Variants in LPIN1 observed in about 807,000 individuals in gnomAD.
LPIN1 encodes phosphatidate phosphatase LPIN1.
In LPIN1, 71 loss-of-function variants were observed where a neutral mutation model predicts 107.5. The observed-to-expected ratio is 0.66, with a 90% confidence interval of 0.55 to 0.80. LPIN1 has a LOEUF of 0.80. Ranked by LOEUF, LPIN1 falls within the 30% of genes least tolerant of loss-of-function variation. The pLI, the probability that LPIN1 is intolerant of heterozygous loss-of-function variation, is 0.00. For synonymous variants in LPIN1, 445 were observed against 452.6 expected, an observed-to-expected ratio of 0.98 and a Z score of 0.21; for missense variants, 1,043 against 1,160.6, an observed-to-expected ratio of 0.90 and a Z score of 1.47.
intron 1 of LPIN1, among the ~76,000 whole-genome samples, chr2:11,759,880 GGACGGGGTGGCTGCCGGGCGGAGACGC>G (rs1669422909): frequency 3.0e-5 from 1 of 33,216 alleles, no homozygotes; most frequent in Non-Finnish European, 7.0e-5. Context: ...CCTCCCTCCC[GGACGGGGTGGCTGCCGGGCGGAGACGC>G]TCCTCACTTC....
chr2:11,746,997 G>T (rs1226571142), intron 1 of LPIN1, among the ~76,000 whole-genome samples: 1 of 152,226 alleles, frequency 6.6e-6, no homozygotes, highest in Non-Finnish European at 1.5e-5. Flanking sequence ...GGGCTGCCGC[G>T]CAGTCCCAGA....
intron 14 of LPIN1, among the ~76,000 whole-genome samples, chr2:11,798,210 A>G (rs567090143): frequency 1.3e-5 from 2 of 152,264 alleles, no homozygotes; most frequent in East Asian, 1.9e-4. Flanking sequence ...TCCTTTATAA[A>G]TTACCCAGTC....
intron 1 of LPIN1, among the ~76,000 whole-genome samples, chr2:11,681,793 T>C (rs371179760): frequency 2.0e-5 from 3 of 152,242 alleles, no homozygotes; most frequent in East Asian, 3.9e-4. Context: ...TGGGGCCCCA[T>C]CTACTCAGAG....
At chr2:11,759,436 C>T (rs777606922) in intron 1 of LPIN1, among the ~76,000 whole-genome samples, 38 of 152,042 alleles carry the variant, frequency 2.5e-4, no homozygotes, top group Non-Finnish European at 5.1e-4. Flanking sequence ...CATCTTGCAC[C>T]GCCCTTAATC....
At chr2:11,767,900 G>T in intron 3 of LPIN1, 42 bp downstream of exon 3, 1 of 1,240,276 alleles carries the variant, frequency 8.1e-7, no homozygotes, top group Non-Finnish European at 1.2e-6. Context: ...CTAGTTTTGA[G>T]CTTTGAGTAA....
Position 11,707,354 on chromosome 2 carries a change from G to A in LPIN1, c.82-6402G>A, listed in dbSNP as rs1347304176. 3.3e-5 allele frequency among the ~76,000 whole-genome samples: 5 copies of A among 152,196 alleles called. No individual in the cohort carries two copies. The highest frequency in any genetic ancestry group is 1.3e-4 in the Admixed American group (2 of 15,278). ...TCTGCCAGGCAGAGGAACAGCTCAT[G>A]CACAGTCTCTGAGGTGGAAGAAGCC... On this transcript the variant is annotated intron_variant, in intron 1 of 21. Coordinates refer to the LPIN1 transcript ENST00000449576. The surrounding 1 kb of genome is among the most constrained non-coding windows in gnomAD (Gnocchi z 4.2).
intron 19 of LPIN1, among the ~76,000 whole-genome samples, chr2:11,820,188 C>T (rs537298074): frequency 6.6e-6 from 1 of 152,188 alleles, no homozygotes; most frequent in East Asian, 1.9e-4. Flanking sequence ...GGTAGGTTGT[C>T]TTTTCTTCAA....
intron 18 of LPIN1, chr2:11,818,532 C>T (rs1180816995): frequency 2.0e-5 from 3 of 151,696 alleles, no homozygotes; most frequent in Admixed American, 2.0e-4. Flanking sequence ...GGTACATTGA[C>T]TTGTTAACCT....
At chr2:11,752,527 G>A (rs980062011) in intron 1 of LPIN1, among the ~76,000 whole-genome samples, 2 of 139,792 alleles carry the variant, frequency 1.4e-5, no homozygotes, top group Admixed American at 1.4e-4. Context: ...CGCCTCCCGG[G>A]TTCACGCCAT....
chr2:11,772,227 G>A (rs752902257), intron 4 of LPIN1, among the ~76,000 whole-genome samples: 16 of 152,182 alleles, frequency 1.1e-4, no homozygotes, highest in South Asian at 6.2e-4. Flanking sequence ...CAGCTTGCCC[G>A]CCGCTCACCT....
chr2:11,783,815 A>G lies in LPIN1; in HGVS notation c.1265-14A>G. The stretch of plus-strand genomic sequence containing the variant: ...GAAGAGTGGTTTTCTGACTTGAGCC[A>G]TTTGCCGTTTTAGATAAACGAAGCC... On this transcript the variant is annotated splice_polypyrimidine_tract_variant and intron_variant, in intron 8 of 20. Coordinates refer to ENST00000674199, the MANE Select transcript of LPIN1 (RefSeq NM_001349206.2). 6.2e-7 allele frequency: 1 copy of G among 1,611,264 alleles called. No individual in the cohort carries two copies. The highest frequency in any genetic ancestry group is 8.5e-7 in the Non-Finnish European group (1 of 1,177,404).
intron 17 of LPIN1, among the ~76,000 whole-genome samples, chr2:11,808,164 C>A (rs1679038476): frequency 6.6e-6 from 1 of 152,220 alleles, no homozygotes; most frequent in South Asian, 2.1e-4. Context: ...CGTCCCCGGA[C>A]TTGCTGGACT....
rs1672384772 is a variant in LPIN1 at position 11,774,718 on chromosome 2, T to C, written c.722+973T>C. ...TTCCAGTTTGATCAGGGTAACCTTG[T>C]GAATTAGCAAGCAGCAGTCCCCAGT... On this transcript the variant is annotated intron_variant, in intron 5 of 20. Coordinates refer to ENST00000674199, the MANE Select transcript of LPIN1 (RefSeq NM_001349206.2). This position sits in a 1 kb window ranked among gnomAD's most constrained non-coding sequence, Gnocchi z 4.4. 6.6e-6 allele frequency among the ~76,000 whole-genome samples: 1 copy of C among 152,100 alleles called. No homozygotes were observed. Among genetic ancestry groups the C allele is most frequent in the Admixed American group, 6.6e-5 (1 of 15,258 alleles).
chr2:11,776,349 G>C (rs1020657147), intron 6 of LPIN1, among the ~76,000 whole-genome samples, 156 bp downstream of exon 6: 1 of 151,508 alleles, frequency 6.6e-6, no homozygotes, highest in South Asian at 2.1e-4. Flanking sequence ...TTTACAAATC[G>C]ATTTCACTAA....
upstream of LPIN1, chr2:11,723,955 A>G (rs1267018448): frequency 6.6e-6 from 1 of 152,198 alleles, no homozygotes; most frequent in African/African-American, 2.4e-5. Flanking sequence ...AAAAATCTCA[A>G]TATCAAACTT....
intron 17 of LPIN1, among the ~76,000 whole-genome samples, chr2:11,812,491 G>A (rs1442731876): frequency 6.6e-6 from 1 of 152,162 alleles, no homozygotes; most frequent in African/African-American, 2.4e-5. Flanking sequence ...ATCCAGCAGA[G>A]ACCTAGATGA....
chr2:11,793,516 CT>C (rs1214750057), intron 13 of LPIN1, among the ~76,000 whole-genome samples: 1 of 152,210 alleles, frequency 6.6e-6, no homozygotes, highest in African/African-American at 2.4e-5. Flanking sequence ...GCCTACAGTG[CT>C]TGTGTGTTCT....
intron 1 of LPIN1, among the ~76,000 whole-genome samples, chr2:11,696,761 A>G (rs1429044865): frequency 6.6e-6 from 1 of 152,176 alleles, no homozygotes; most frequent in Non-Finnish European, 1.5e-5. Flanking sequence ...GCTCCATGGC[A>G]CCACTGATCC....
At chr2:11,777,365 G>A (rs1200889935) in intron 6 of LPIN1, 2 of 152,242 alleles carry the variant, frequency 1.3e-5, no homozygotes, top group Admixed American at 6.5e-5. Context: ...AGACTTTCTC[G>A]TAGGGCTGGG....
Sources: allele counts gnomAD v4.1 joint callset (sites outside exome capture counted in the v4.1 genomes callset), GRCh38; gene constraint gnomAD v4.1.1; non-coding constraint Gnocchi (gnomAD v3.1); transcripts MANE v1.5; gene names NCBI Gene and HGNC (gene_info 2026-07-23, HGNC 2026-07-21).